The following PCDHGB4 variants were observed in gnomAD, a reference collection of about 807,000 sequenced individuals.
PCDHGB4 encodes protocadherin gamma-B4.
A neutral mutation model predicts 60.5 loss-of-function variants in PCDHGB4; 38 were observed. The observed-to-expected ratio is 0.63, with a 90% CI of 0.48 to 0.82. PCDHGB4 has a LOEUF of 0.82. Ranked by LOEUF, PCDHGB4 falls within the 40% of genes least tolerant of loss-of-function variation. The pLI is 0.00. For missense variants in PCDHGB4, 1,109 were observed against 1,209.6 expected (o/e 0.92, Z 1.23); for synonymous variants, 456 against 509.7 (o/e 0.89, Z 1.42).
In PCDHGB4 at chr5:141,389,002, A is replaced by T. The variant is rs749693513; in HGVS notation, c.1118A>T (p.Asp373Val). 25 of 1,613,966 alleles carry T rather than the reference A, an allele frequency of 1.5e-5. No individual in the cohort carries two copies. The highest frequency in any genetic ancestry group is 3.3e-5 in the Admixed American group (2 of 60,016). The change falls in exon 1 of 4, where the codon GAT (aspartate) becomes GTT (valine). Residue 373 changes from aspartate to valine, a missense_variant. Asp to Val is a radical substitution (Grantham distance 152). This residue lies in a region of PCDHGB4 where 1,068 missense variants were observed against 1,089.9 expected (regional missense o/e 0.98). Transcript: ENST00000519479. The part of the protein sequence containing the change: ...HIALLKVRDK[D>V]SRHNGEVTCK... ...GCTTTGCTCAAAGTCCGTGACAAGG[A>T]TTCCAGACACAATGGAGAAGTGACT...
At chr5:141,427,333 T>C (rs1157500463) in intron 1 of PCDHGB4, 1 of 457,322 alleles carries the variant, frequency 2.2e-6, no homozygotes, top group Non-Finnish European at 4.4e-6. Context: ...TTTACTTCAG[T>C]GTCCAGTTCT....
Position 141,476,645 on chromosome 5 carries a change from A to C in PCDHGB4, c.2398-18162A>C. 1 of 1,614,246 alleles carries C rather than the reference A, an allele frequency of 6.2e-7. No homozygotes were observed. The highest frequency in any genetic ancestry group is 8.5e-7 in the Non-Finnish European group (1 of 1,180,052). On this transcript the variant is annotated intron_variant, in intron 1 of 3. Coordinates refer to ENST00000519479, the MANE Select transcript of PCDHGB4 (RefSeq NM_003736.4). The surrounding 1 kb of genome is among the most constrained non-coding windows in gnomAD (Gnocchi z 7.6). ...TTTACAAACCTATGAGCTGAGCCGA[A>C]ATGAATACTTTGCGCTTCGCGTGCA...
rs756549446 is a variant in PCDHGB4 at position 141,477,301 on chromosome 5, C to G, written c.2398-17506C>G. 32 of 1,614,042 alleles carry G rather than the reference C, an allele frequency of 2.0e-5. 2 individuals carry two copies. In the South Asian group the frequency reaches 3.4e-4, roughly 17 times the overall value. On this transcript the variant is annotated intron_variant, in intron 1 of 3. Coordinates refer to ENST00000519479, the MANE Select transcript of PCDHGB4 (RefSeq NM_003736.4). The surrounding 1 kb of genome is among the most constrained non-coding windows in gnomAD (Gnocchi z 4.9). The stretch of plus-strand genomic sequence containing the variant: ...TGACCTGCGAAGTTCCACCGGGTCT[C>G]CCTTTCAGCCTTACTTCTTCCCTCA...
chr5:141,399,327 G>C (rs2093787081), intron 1 of PCDHGB4: 2 of 1,613,936 alleles, frequency 1.2e-6, no homozygotes, highest in African/African-American at 1.3e-5. Flanking sequence ...CGTATAAGTT[G>C]GTAACAGATG....
Position 141,456,380 on chromosome 5 carries a change from C to T in PCDHGB4, c.2398-38427C>T, listed in dbSNP as rs186993611. ...CCATGTGTGGTTCAGTTTACAGCAC[C>T]GTTTGGAGTTTGATTGCTTCTAGGC... is the stretch of plus-strand genomic sequence containing the variant. On this transcript the variant is annotated intron_variant, in intron 1 of 3. Coordinates refer to ENST00000519479, the MANE Select transcript of PCDHGB4 (RefSeq NM_003736.4). Among the ~76,000 whole-genome samples, 427 of 152,082 alleles carry T rather than the reference C, an allele frequency of 2.8e-3. 1 individual carries two copies. Among genetic ancestry groups the T allele is most frequent in the Non-Finnish European group, 2.7e-3 (184 of 68,004 alleles).
chr5:141,481,646 C>T (rs1425216422), intron 1 of PCDHGB4, among the ~76,000 whole-genome samples: 1 of 151,950 alleles, frequency 6.6e-6, no homozygotes, highest in African/African-American at 2.4e-5. Flanking sequence ...GGTGAAACTT[C>T]ATCTCTACTA....
At chr5:141,414,244 T>A in intron 1 of PCDHGB4, 1 of 1,613,526 alleles carries the variant, frequency 6.2e-7, no homozygotes, top group Admixed American at 1.7e-5. Context: ...CACGTCTCTA[T>A]TTAGTCCAGT....
At position 141,491,660 on chromosome 5, in the gene PCDHGB4, C is replaced by A; in HGVS notation, c.2398-3147C>A. ...ACAGCTCTGGCGCTGGAGCCTGACGCCATCCGGTCCCGCTCTAATACGCTG... is the reference window on the plus strand; with the variant it reads ...ACAGCTCTGGCGCTGGAGCCTGACGACATCCGGTCCCGCTCTAATACGCTG... On this transcript the variant is annotated intron_variant, in intron 1 of 3. Transcript: ENST00000519479. The surrounding 1 kb of genome is among the most constrained non-coding windows in gnomAD (Gnocchi z 6.9). The A allele has an allele frequency of 6.2e-7, 1 of 1,613,810 alleles. No individual in the cohort carries two copies. The highest frequency in any genetic ancestry group is 8.5e-7 in the Non-Finnish European group (1 of 1,180,008).
At chr5:141,433,056 G>A (rs1422450948) in intron 1 of PCDHGB4, 1 of 1,614,204 alleles carries the variant, frequency 6.2e-7, no homozygotes, top group South Asian at 1.1e-5. Context: ...TCGCGGAAGA[G>A]TCACCTGATC....
intron 1 of PCDHGB4, chr5:141,410,752 G>GT: frequency 4.4e-6 from 5 of 1,130,822 alleles, no homozygotes; most frequent in Non-Finnish European, 5.8e-6. Context: ...TTTTCTCAAT[G>GT]TTTTTTCAAT....
chr5:141,467,781 C>G (rs2099151581), intron 1 of PCDHGB4, among the ~76,000 whole-genome samples: 1 of 152,228 alleles, frequency 6.6e-6, no homozygotes, highest in East Asian at 1.9e-4. Context: ...ACCTCAGCCT[C>G]TCAAGTAGCT....
rs1228153118 is a variant in PCDHGB4 at position 141,433,077 on chromosome 5, C to G, written c.2397+42796C>G. 5.0e-6 allele frequency: 8 copies of G among 1,614,080 alleles called. No homozygotes were observed. The African/African-American group carries it at 6.7e-5, about 13-fold the overall frequency. On this transcript the variant is annotated intron_variant, in intron 1 of 3. Transcript: ENST00000519479. Reference sequence around the variant, plus strand: ...AAGAGTCACCTGATCTTCCCCCAGCCCAACTATGCAGACATGCTCGTCAGC... The same window carrying G: ...AAGAGTCACCTGATCTTCCCCCAGCGCAACTATGCAGACATGCTCGTCAGC...
At chr5:141,407,964 C>G in intron 1 of PCDHGB4, 1 of 683,628 alleles carries the variant, frequency 1.5e-6, no homozygotes, top group Non-Finnish European at 2.3e-6. Context: ...GCAGAGCAAG[C>G]GCTGACGCCG....
chr5:141,417,232 G>C (rs997894028), intron 1 of PCDHGB4: 5 of 152,072 alleles, frequency 3.3e-5, no homozygotes, highest in Non-Finnish European at 7.4e-5. Flanking sequence ...AAAATTTGTT[G>C]CTTATCTTCA....
intron 1 of PCDHGB4, chr5:141,441,260 A>G (rs1217151195): frequency 1.3e-5 from 2 of 152,222 alleles, no homozygotes; most frequent in Non-Finnish European, 2.9e-5. Context: ...AAATCACAAG[A>G]TCTGGATTCG....
In PCDHGB4 at chr5:141,489,126, T is replaced by C; in HGVS notation, c.2398-5681T>C. ...TGCAAGCAGGCAAACCTCCGAGCAG[T>C]TTTTAAGAGGCTGGAAGGAGACATA... On this transcript the variant is annotated intron_variant, in intron 1 of 3. Coordinates refer to ENST00000519479, the MANE Select transcript of PCDHGB4 (RefSeq NM_003736.4). This position sits in a 1 kb window ranked among gnomAD's most constrained non-coding sequence, Gnocchi z 4.5. 1.7e-6 allele frequency: 1 copy of C among 585,136 alleles called. No individual in the cohort carries two copies. Among genetic ancestry groups the C allele is most frequent in the South Asian group, 3.2e-5 (1 of 31,406 alleles). The allele number at this position is 585,136 out of a possible 1,614,324, so 36.2% of individuals were successfully genotyped here. A position where few individuals can be genotyped will look rare whatever the true frequency, so the allele number is the denominator to read the frequency against.
rs147506725 is a variant in PCDHGB4, at chr5:141,442,240, G to A, written c.2397+51959G>A. Reference sequence around the variant, plus strand: ...CTTTAATTTCCTTTTTATTCTTCCTGATTGCATTGTTTGTGCTGGTTTTAA... The same window carrying A: ...CTTTAATTTCCTTTTTATTCTTCCTAATTGCATTGTTTGTGCTGGTTTTAA... On this transcript the variant is annotated intron_variant, in intron 1 of 3. Transcript: ENST00000519479. 1,291 of 153,334 alleles carry A rather than the reference G, an allele frequency of 8.4e-3. 26 individuals carry two copies. The highest frequency in any genetic ancestry group is 0.029 in the African/African-American group (1,208 of 41,552). 9.5% of individuals were successfully genotyped at this position (153,334 alleles called of 1,614,324 possible).
At chr5:141,390,353 T>C (rs2092125983) in intron 1 of PCDHGB4, 72 bp downstream of exon 1, 3 of 1,554,516 alleles carry the variant, frequency 1.9e-6, no homozygotes, top group African/African-American at 2.8e-5. Flanking sequence ...AAAATATACA[T>C]ATTTGCAGGA....
At position 141,486,821 on chromosome 5, in the gene PCDHGB4, A is replaced by T. The variant is rs756652952; in HGVS notation, c.2398-7986A>T. On this transcript the variant is annotated intron_variant, in intron 1 of 3. Transcript: ENST00000519479. The surrounding 1 kb of genome is among the most constrained non-coding windows in gnomAD (Gnocchi z 5.0). ...CAACCCACCCCTTAGCAGCACTGTA[A>T]CAGTTCGTCTATTTGTGCTGGACCT... 36 of 1,614,116 alleles carry T rather than the reference A, an allele frequency of 2.2e-5. No individual in the cohort carries two copies. In the South Asian group the frequency reaches 3.4e-4, roughly 15 times the overall value.
Sources: gnomAD v4.1 joint callset for allele counts (sites outside exome capture counted in the v4.1 genomes callset) on GRCh38, gnomAD v4.1.1 for gene constraint, gnomAD v4.1.1 regional missense constraint, Gnocchi (gnomAD v3.1) non-coding constraint, MANE v1.5 for transcripts, NCBI Gene and HGNC (gene_info 2026-07-23, HGNC 2026-07-21) for gene names.